ARNT2: variants seen among roughly 807,000 people sequenced by gnomAD.
ARNT2 encodes aryl hydrocarbon receptor nuclear translocator 2.
A neutral mutation model predicts 91.7 loss-of-function variants in ARNT2; 36 were observed. The observed-to-expected ratio is 0.39, with a 90% CI of 0.30 to 0.52. ARNT2 has a LOEUF of 0.52. Among genes scored for constraint, ARNT2 ranks in the 20% least tolerant of loss-of-function variants. The pLI is 0.72. For missense variants in ARNT2, 775 were observed against 939.3 expected, an observed-to-expected ratio of 0.83 and a Z score of 2.29; for synonymous variants, 365 against 347.1, an observed-to-expected ratio of 1.05 and a Z score of -0.57.
At chr15:80,430,832 G>T (rs1895997154) in intron 1 of ARNT2, among the ~76,000 whole-genome samples, 1 of 152,122 alleles carries the variant, frequency 6.6e-6, no homozygotes, top group Admixed American at 6.5e-5. Context: ...CCTGTCCAGG[G>T]CAGCAGTGGG....
intron 18 of ARNT2, 98 bp from the exon 19 acceptor site, chr15:80,593,502 G>C: frequency 1.1e-6 from 1 of 939,228 alleles, no homozygotes; most frequent in East Asian, 2.6e-5. Flanking sequence ...CTTTAGGGAT[G>C]GCCATGAGGG....
chr15:80,509,248 C>T (rs1018253429), intron 6 of ARNT2, among the ~76,000 whole-genome samples: 4 of 151,932 alleles, frequency 2.6e-5, no homozygotes, highest in African/African-American at 9.7e-5. Flanking sequence ...TTGAGACCAG[C>T]CTGGCCAAAA....
At chr15:80,586,454 T>C (rs961395934) in intron 17 of ARNT2, among the ~76,000 whole-genome samples, 2 of 152,196 alleles carry the variant, frequency 1.3e-5, no homozygotes, top group African/African-American at 4.8e-5. Flanking sequence ...GGGATGAATG[T>C]CTTTTACAAA....
intron 5 of ARNT2, among the ~76,000 whole-genome samples, chr15:80,486,322 G>T (rs1018420976): frequency 4.6e-5 from 7 of 152,190 alleles, no homozygotes; most frequent in African/African-American, 1.7e-4. Flanking sequence ...TTTTGGGCAG[G>T]GGGTGGTTGG....
At chr15:80,587,667 C>T (rs923029027) in intron 17 of ARNT2, among the ~76,000 whole-genome samples, 2 of 152,218 alleles carry the variant, frequency 1.3e-5, no homozygotes, top group East Asian at 1.9e-4. Flanking sequence ...GGTCTGAAAG[C>T]CCACACAGCT....
intron 17 of ARNT2, among the ~76,000 whole-genome samples, chr15:80,585,584 G>C (rs1319148854): frequency 6.6e-6 from 1 of 152,184 alleles, no homozygotes; most frequent in East Asian, 1.9e-4. Context: ...CATCTGTCTT[G>C]GTAACACACT....
chr15:80,575,868 C>T (rs1898665110), intron 14 of ARNT2, among the ~76,000 whole-genome samples: 1 of 152,204 alleles, frequency 6.6e-6, no homozygotes, highest in African/African-American at 2.4e-5. Context: ...ACTGGGCTTG[C>T]ATTCACGCCT....
At chr15:80,470,469 G>A (rs775393067) in intron 4 of ARNT2, 38 bp downstream of exon 4, 5 of 1,597,656 alleles carry the variant, frequency 3.1e-6, no homozygotes, top group African/African-American at 2.7e-5. Context: ...AAAGCGGGGG[G>A]AATCCCAGCG....
At chr15:80,526,148 T>C (rs1259102964) in intron 8 of ARNT2, among the ~76,000 whole-genome samples, 1 of 152,250 alleles carries the variant, frequency 6.6e-6, no homozygotes, top group Non-Finnish European at 1.5e-5. Context: ...GCCCTTTCTG[T>C]TACACAGTGG....
intron 4 of ARNT2, 87 bp downstream of exon 4, chr15:80,470,518 CA>C: frequency 7.0e-7 from 1 of 1,423,134 alleles, no homozygotes; most frequent in South Asian, 1.3e-5. Flanking sequence ...AACCAGGGCT[CA>C]AGGTTGAGGA....
At chr15:80,497,861 C>G (rs1313864033) in intron 5 of ARNT2, among the ~76,000 whole-genome samples, 1 of 152,226 alleles carries the variant, frequency 6.6e-6, no homozygotes, top group Non-Finnish European at 1.5e-5. Context: ...AAGGCCTTCT[C>G]TCTGGAGCAA....
At chr15:80,569,899 C>T (rs1898555543) in intron 12 of ARNT2, among the ~76,000 whole-genome samples, 1 of 152,242 alleles carries the variant, frequency 6.6e-6, no homozygotes, top group Non-Finnish European at 1.5e-5. Flanking sequence ...TGGTCCCTGT[C>T]CTGTCTCTGA....
intron 2 of ARNT2, among the ~76,000 whole-genome samples, chr15:80,457,622 C>T (rs1317674): frequency 0.16 from 23,719 of 152,232 alleles, 1,941 homozygotes; most frequent in African/African-American, 0.21. Flanking sequence ...ATAGCCAGAG[C>T]AATCCATTGT....
chr15:80,483,783 T>A (rs117939569), intron 5 of ARNT2, among the ~76,000 whole-genome samples: 408 of 152,346 alleles, frequency 2.7e-3, no homozygotes, highest in Non-Finnish European at 4.5e-3. Context: ...CTGGAACGTG[T>A]GTGCCTGGGA....
intron 12 of ARNT2, among the ~76,000 whole-genome samples, chr15:80,570,833 C>G (rs992548609): frequency 1.3e-5 from 2 of 152,094 alleles, no homozygotes; most frequent in African/African-American, 4.8e-5. Flanking sequence ...ATCAGTCTGT[C>G]CCCGGTGCCT....
chr15:80,548,284 T>A (rs1360438199), intron 8 of ARNT2, among the ~76,000 whole-genome samples: 4 of 152,196 alleles, frequency 2.6e-5, no homozygotes, highest in Admixed American at 1.3e-4. Context: ...TTACTTAATA[T>A]GATAAATGTG....
At chr15:80,441,941 G>A (rs558648996) in intron 1 of ARNT2, among the ~76,000 whole-genome samples, 2 of 152,206 alleles carry the variant, frequency 1.3e-5, no homozygotes, top group South Asian at 4.1e-4. Context: ...TGTGTAATGG[G>A]AAACAATTTC....
chr15:80,426,257 G>T (rs1427004430), intron 1 of ARNT2, among the ~76,000 whole-genome samples: 1 of 152,182 alleles, frequency 6.6e-6, no homozygotes, highest in Non-Finnish European at 1.5e-5. Flanking sequence ...AATGTGATTG[G>T]TTGCCTAGCT....
intron 5 of ARNT2, among the ~76,000 whole-genome samples, chr15:80,506,225 C>T (rs1050684983): frequency 6.6e-6 from 1 of 152,178 alleles, no homozygotes; most frequent in Non-Finnish European, 1.5e-5. Flanking sequence ...CGTGAGCCAC[C>T]GCGCCCGGCC....
Sources: allele counts gnomAD v4.1 joint callset (sites outside exome capture counted in the v4.1 genomes callset), GRCh38; gene constraint gnomAD v4.1.1; transcripts MANE v1.5; gene names NCBI Gene and HGNC (gene_info 2026-07-23, HGNC 2026-07-21).